The following KIF6 variants were observed in gnomAD, a reference collection of about 807,000 sequenced individuals.
KIF6 encodes kinesin-like protein KIF6.
Under a neutral mutation model 112.7 loss-of-function variants are expected in KIF6, and 106 were observed. That is an observed-to-expected ratio of 0.94 (90% CI 0.80 to 1.11). The LOEUF (loss-of-function observed/expected upper bound fraction) is 1.11, where lower values mean the gene tolerates loss of function less well. KIF6 is among the 50% of genes least tolerant of loss of function. KIF6 has a pLI of 0.00. For synonymous variants in KIF6, 339 were observed against 339.9 expected (o/e 1.00, Z 0.03); for missense variants, 929 against 964.0 (o/e 0.96, Z 0.48).
intron 10 of KIF6, among the ~76,000 whole-genome samples, chr6:39,558,575 T>A (rs1353321322): frequency 6.6e-6 from 1 of 152,174 alleles, no homozygotes; most frequent in Non-Finnish European, 1.5e-5. Context: ...TTTCTTGTTT[T>A]AAAGAATTTC....
chr6:39,407,574 G>C lies in KIF6; in HGVS notation c.1810+12374C>G, dbSNP rs190917657. 3.3e-5 allele frequency among the ~76,000 whole-genome samples: 5 copies of C among 152,236 alleles called. No individual in the cohort carries two copies. The East Asian group carries it at 9.6e-4, about 29-fold the overall frequency. On this transcript the variant is annotated intron_variant, in intron 15 of 22. Coordinates refer to ENST00000287152, the MANE Select transcript of KIF6 (RefSeq NM_145027.6). The stretch of plus-strand genomic sequence containing the variant: ...TCAACATGTGTTAATATGCTGTTTG[G>C]CAAAACAACTAAATTTTAAAAATAT...
At chr6:39,401,577 G>A (rs2150339900) in intron 15 of KIF6, among the ~76,000 whole-genome samples, 1 of 152,204 alleles carries the variant, frequency 6.6e-6, no homozygotes, top group Non-Finnish European at 1.5e-5. Flanking sequence ...GGGAGCTGGG[G>A]TACGTATACA....
At chr6:39,559,987 C>T (rs1190125067) in intron 10 of KIF6, among the ~76,000 whole-genome samples, 1 of 152,098 alleles carries the variant, frequency 6.6e-6, no homozygotes, top group African/African-American at 2.4e-5. Context: ...TTATACAAAA[C>T]ATTATTTGTT....
At chr6:39,425,793 C>CA (rs549490182) in intron 14 of KIF6, among the ~76,000 whole-genome samples, 5,883 of 62,854 alleles carry the variant, frequency 0.094, 346 homozygotes, top group African/African-American at 0.24. Context: ...GATGTAAATA[C>CA]AAAAAAAAAA....
rs906441816 is a variant in KIF6, at chr6:39,335,444, G to C, written c.*1088C>G. ...TTACCCAGTCCTAAAAAACGAAAAA[G>C]AAAATCAAGCCAATTATACTATATT... is the stretch of plus-strand genomic sequence containing the variant. On this transcript the variant is annotated 3_prime_UTR_variant, in exon 23 of 23. Coordinates refer to ENST00000287152, the MANE Select transcript of KIF6 (RefSeq NM_145027.6). 3.9e-5 allele frequency: 6 copies of C among 152,180 alleles called. No homozygotes were observed. The highest frequency in any genetic ancestry group is 8.8e-5 in the Non-Finnish European group (6 of 68,068). 9.4% of individuals were successfully genotyped at this position (152,180 alleles called of 1,614,324 possible). A position where few individuals can be genotyped will look rare whatever the true frequency, so the allele number is the denominator to read the frequency against.
chr6:39,486,652 T>G (rs1775132774), intron 13 of KIF6, among the ~76,000 whole-genome samples: 1 of 152,256 alleles, frequency 6.6e-6, no homozygotes, highest in Admixed American at 6.5e-5. Flanking sequence ...CCGCAAACTC[T>G]ACATATGTAC....
At chr6:39,565,034 A>G (rs1031934162) in intron 10 of KIF6, among the ~76,000 whole-genome samples, 1 of 152,254 alleles carries the variant, frequency 6.6e-6, no homozygotes, top group African/African-American at 2.4e-5. Context: ...ACAAGTATCC[A>G]TATTGTACTG....
At chr6:39,628,647 C>T (rs141610029) in intron 5 of KIF6, among the ~76,000 whole-genome samples, 5 of 152,184 alleles carry the variant, frequency 3.3e-5, no homozygotes, top group Non-Finnish European at 5.9e-5. Context: ...TGTTAATTAT[C>T]TCAATAGTTC....
intron 1 of KIF6, 64 bp from the exon 2 acceptor site, chr6:39,720,875 G>T: frequency 1.3e-6 from 1 of 754,580 alleles, no homozygotes. Context: ...CTATCACCAT[G>T]TTATTATGAC....
chr6:39,341,001 T>C (rs1409700687), intron 22 of KIF6, among the ~76,000 whole-genome samples: 3 of 152,118 alleles, frequency 2.0e-5, no homozygotes, highest in African/African-American at 7.2e-5. Context: ...AGGAAGTTTT[T>C]CCTGCAGCTC....
intron 6 of KIF6, among the ~76,000 whole-genome samples, chr6:39,606,704 G>A (rs1331198926): frequency 2.0e-5 from 3 of 152,144 alleles, no homozygotes; most frequent in Admixed American, 1.3e-4. Context: ...TCTTTGGCAT[G>A]AGCCTACATC....
At chr6:39,536,603 C>A (rs1778442027) in intron 13 of KIF6, among the ~76,000 whole-genome samples, 1 of 152,040 alleles carries the variant, frequency 6.6e-6, no homozygotes, top group African/African-American at 2.4e-5. Flanking sequence ...AGTCCAGGAC[C>A]AGATGGATTC....
chr6:39,498,258 C>T (rs145543722), intron 13 of KIF6, among the ~76,000 whole-genome samples: 10 of 152,294 alleles, frequency 6.6e-5, no homozygotes, highest in Admixed American at 2.6e-4. Flanking sequence ...CACCAGTCTA[C>T]GTAGTTCCCT....
chr6:39,356,385 C>T (rs1200490627), intron 19 of KIF6, among the ~76,000 whole-genome samples: 1 of 152,028 alleles, frequency 6.6e-6, no homozygotes, highest in African/African-American at 2.4e-5. Context: ...CCTGCCTCAG[C>T]CCCCCAAGTA....
chr6:39,440,455 T>C (rs1246697997), intron 13 of KIF6, among the ~76,000 whole-genome samples: 5 of 152,176 alleles, frequency 3.3e-5, no homozygotes, highest in African/African-American at 1.2e-4. Flanking sequence ...TAACCTTCTA[T>C]CTGAAGTGAA....
chr6:39,402,584 G>T (rs1768789426), intron 15 of KIF6, among the ~76,000 whole-genome samples: 1 of 152,160 alleles, frequency 6.6e-6, no homozygotes, highest in Non-Finnish European at 1.5e-5. Context: ...CACTGCAAAT[G>T]ATTATCTCTG....
At chr6:39,360,234 C>A (rs1044471866) in intron 18 of KIF6, among the ~76,000 whole-genome samples, 161 bp downstream of exon 18, 1 of 152,156 alleles carries the variant, frequency 6.6e-6, no homozygotes, top group African/African-American at 2.4e-5. Context: ...GAACCCCTGC[C>A]CTTTTGTCAT....
chr6:39,450,186 C>T (rs1273722412), intron 13 of KIF6, among the ~76,000 whole-genome samples: 2 of 152,198 alleles, frequency 1.3e-5, no homozygotes, highest in Non-Finnish European at 2.9e-5. Flanking sequence ...TTGGAGACAT[C>T]TATCATCATT....
intron 3 of KIF6, among the ~76,000 whole-genome samples, chr6:39,661,448 T>C (rs1397816695): frequency 6.6e-5 from 10 of 152,218 alleles, no homozygotes; most frequent in Admixed American, 1.3e-4. Flanking sequence ...CACTTTTAGA[T>C]TTTTTTCTGT....
Sources: gnomAD v4.1 joint callset for allele counts (sites outside exome capture counted in the v4.1 genomes callset) on GRCh38, gnomAD v4.1.1 for gene constraint, MANE v1.5 for transcripts, NCBI Gene and HGNC (gene_info 2026-07-23, HGNC 2026-07-21) for gene names.